Variants in ANK3 observed in about 807,000 individuals in gnomAD.
ANK3 encodes ankyrin 3.
ANK3 carries 57 observed loss-of-function variants against 370.9 expected under a neutral mutation model. That is an observed-to-expected ratio of 0.15 (90% confidence interval 0.12 to 0.19). The LOEUF (loss-of-function observed/expected upper bound fraction) is 0.19. Ranked by LOEUF, ANK3 falls within the 10% of genes least tolerant of loss-of-function variation. ANK3 has a pLI of 1.00. For missense variants in ANK3, 4,439 were observed against 5,302.1 expected, an observed-to-expected ratio of 0.84 and a Z score of 5.06; for synonymous variants, 1,929 against 1,946.3, an observed-to-expected ratio of 0.99 and a Z score of 0.23.
chr10:60,249,379 A>T (rs909056511), intron 7 of ANK3, among the ~76,000 whole-genome samples: 1 of 152,222 alleles, frequency 6.6e-6, no homozygotes, highest in African/African-American at 2.4e-5. Context: ...AAAAATTCTT[A>T]AAAAAGTAAT....
At chr10:60,265,280 T>C (rs2132654304) in intron 5 of ANK3, among the ~76,000 whole-genome samples, 1 of 152,348 alleles carries the variant, frequency 6.6e-6, no homozygotes, top group East Asian at 1.9e-4. Flanking sequence ...TCCTAGCCTC[T>C]GGTAACCACC....
chr10:60,367,381 A>T (rs1187111826), intron 1 of ANK3, among the ~76,000 whole-genome samples: 2 of 152,252 alleles, frequency 1.3e-5, no homozygotes, highest in Admixed American at 6.5e-5. Flanking sequence ...TTACCTTCTT[A>T]ACTATCTTTA....
At chr10:60,553,174 G>A (rs72822818) in intron 2 of ANK3, among the ~76,000 whole-genome samples, 6 of 152,084 alleles carry the variant, frequency 3.9e-5, no homozygotes, top group East Asian at 1.9e-4. Context: ...TCCCTAATAC[G>A]GGGAGGTGCT....
At chr10:60,446,504 T>A (rs2064450374) in intron 2 of ANK3, among the ~76,000 whole-genome samples, 1 of 152,180 alleles carries the variant, frequency 6.6e-6, no homozygotes, top group African/African-American at 2.4e-5. Flanking sequence ...AATTAGAGGT[T>A]TGGAGACTTT....
intron 2 of ANK3, among the ~76,000 whole-genome samples, chr10:60,484,744 A>C (rs1450122910): frequency 1.3e-5 from 2 of 152,212 alleles, no homozygotes; most frequent in African/African-American, 4.8e-5. Context: ...TCCACCTATC[A>C]CACATTAGGC....
intron 1 of ANK3, among the ~76,000 whole-genome samples, chr10:60,385,019 G>GCTA (rs2062054615): frequency 6.6e-6 from 1 of 152,136 alleles, no homozygotes; most frequent in African/African-American, 2.4e-5. Context: ...TGCTGCTGCT[G>GCTA]CTACAACACG....
intron 42 of ANK3, among the ~76,000 whole-genome samples, chr10:60,048,111 G>T (rs994620417): frequency 6.6e-5 from 10 of 152,120 alleles, no homozygotes; most frequent in African/African-American, 2.4e-4. Flanking sequence ...CCAGACTTTT[G>T]GCAATCCAAT....
rs397844967 is a variant in ANK3 at position 60,169,364 on chromosome 10, G to GTTTGTTT, written c.2479-2469_2479-2468insAAACAAA. Among the ~76,000 whole-genome samples the GTTTGTTT allele has an allele frequency of 5.5e-3, 287 of 51,776 alleles. 6 individuals are homozygous for GTTTGTTT. The highest frequency in any genetic ancestry group is 0.019 in the African/African-American group (262 of 13,524). The allele number at this position is 51,776 out of a possible 152,430, so 34.0% of individuals were successfully genotyped here. On this transcript the variant is annotated intron_variant, in intron 21 of 43. Transcript: ENST00000280772. The stretch of plus-strand genomic sequence containing the variant: ...TCCATCAACTGGGGCTTGTCTCATA[G>GTTTGTTT]TTTTTTTTTTTTTTTTTTTTTTTTA...
chr10:60,539,665 A>G (rs1000363720), intron 2 of ANK3, among the ~76,000 whole-genome samples: 25 of 151,930 alleles, frequency 1.6e-4, no homozygotes, highest in Non-Finnish European at 8.8e-5. Context: ...AGTCAAATGT[A>G]CATATAGGAC....
At position 60,702,419 on chromosome 10, in the gene ANK3, A is replaced by C. The variant is rs560519214; in HGVS notation, c.57+30844T>G. On this transcript the variant is annotated intron_variant, in intron 1 of 43. Coordinates refer to the ANK3 transcript ENST00000373827. ...GGATACAAAACATTGTACAGTAATC[A>C]TATTGTTGGTGGTAGTGCTGGTATT... Among the ~76,000 whole-genome samples the C allele has an allele frequency of 2.6e-5, 4 of 152,154 alleles. No individual in the cohort carries two copies. In the East Asian group the frequency reaches 7.7e-4, roughly 29 times the overall value.
intron 2 of ANK3, among the ~76,000 whole-genome samples, chr10:60,602,094 C>A (rs190996117): frequency 2.6e-5 from 4 of 152,018 alleles, no homozygotes; most frequent in African/African-American, 7.2e-5. Context: ...TAATACAGGG[C>A]TTACCATGTG....
Position 60,086,674 on chromosome 10 carries a change from A to C in ANK3, c.3748+3T>G. On this transcript the variant is annotated splice_donor_region_variant and intron_variant, in intron 30 of 43. Transcript: ENST00000280772. Reference sequence around the variant, plus strand: ...AGGAAGTACAGCAGTGACTTAACCAAACCTGTAATGCTACAGAGAAGACGC... The same window carrying C: ...AGGAAGTACAGCAGTGACTTAACCACACCTGTAATGCTACAGAGAAGACGC... The C allele has an allele frequency of 6.2e-7, 1 of 1,611,810 alleles. No homozygotes were observed.
At chr10:60,635,374 G>C (rs1057304005) in intron 1 of ANK3, among the ~76,000 whole-genome samples, 3 of 152,002 alleles carry the variant, frequency 2.0e-5, no homozygotes, top group African/African-American at 7.2e-5. Flanking sequence ...ATTAGAAGCA[G>C]TTAATATAAA....
Position 60,261,830 on chromosome 10 carries a change from A to C in ANK3, c.798+29T>G, listed in dbSNP as rs201847863. The C allele has an allele frequency of 7.9e-5, 126 of 1,591,714 alleles. No homozygotes were observed. The Middle Eastern group carries it at 1.7e-3, about 21-fold the overall frequency. On this transcript the variant is annotated intron_variant, in intron 7 of 43. Transcript: ENST00000280772. ...AGTATAAAATAGTTGCAAATGCTTT[A>C]AAGGTATTACACATTGCTGTGCTCT... is the stretch of plus-strand genomic sequence containing the variant.
chr10:60,144,875 C>T (rs773549859), intron 23 of ANK3, among the ~76,000 whole-genome samples: 4 of 152,118 alleles, frequency 2.6e-5, no homozygotes, highest in Non-Finnish European at 4.4e-5. Flanking sequence ...CCTAATGATC[C>T]TTTTTCATGT....
At chr10:60,230,841 A>G (rs2097231004) in intron 8 of ANK3, among the ~76,000 whole-genome samples, 1 of 150,914 alleles carries the variant, frequency 6.6e-6, no homozygotes, top group Non-Finnish European at 1.5e-5. Flanking sequence ...GTGAGCCGAG[A>G]TTGCGCCACT....
intron 7 of ANK3, among the ~76,000 whole-genome samples, chr10:60,244,113 T>C (rs1565945439): frequency 6.6e-6 from 1 of 152,224 alleles, no homozygotes; most frequent in Non-Finnish European, 1.5e-5. Flanking sequence ...TCAGTGTTTC[T>C]GAAAAACCCA....
At chr10:60,312,942 A>G (rs2046650741) in intron 1 of ANK3, among the ~76,000 whole-genome samples, 1 of 152,130 alleles carries the variant, frequency 6.6e-6, no homozygotes, top group Non-Finnish European at 1.5e-5. Context: ...TTGCAGTTCC[A>G]TGATTGAGAG....
At chr10:60,526,288 T>C (rs1243815714) in intron 2 of ANK3, among the ~76,000 whole-genome samples, 1 of 152,172 alleles carries the variant, frequency 6.6e-6, no homozygotes, top group African/African-American at 2.4e-5. Flanking sequence ...CTCTGAGTAC[T>C]GTAATGTTGG....
Sources: allele counts gnomAD v4.1 joint callset (sites outside exome capture counted in the v4.1 genomes callset), GRCh38; gene constraint gnomAD v4.1.1; transcripts MANE v1.5; gene names NCBI Gene and HGNC (gene_info 2026-07-23, HGNC 2026-07-21).